Variants in TMEM106A observed in about 807,000 individuals in gnomAD.
TMEM106A encodes the protein transmembrane protein 106A.
In TMEM106A, 22 loss-of-function variants were observed where a neutral mutation model predicts 25.1. The ratio of observed to expected loss-of-function variants is 0.88; its 90% CI spans 0.63 to 1.25. TMEM106A has a LOEUF of 1.25. Among genes scored for constraint, TMEM106A ranks in the 50% most tolerant of loss-of-function variants. The pLI, the probability that TMEM106A is intolerant of heterozygous loss-of-function variation, is 0.00. For missense variants in TMEM106A, 275 were observed against 318.1 expected, an observed-to-expected ratio of 0.86 and a Z score of 1.03; for synonymous variants, 104 against 129.9, an observed-to-expected ratio of 0.80 and a Z score of 1.35.
chr17:43,217,139 G>A, intron 7 of TMEM106A, 120 bp from the exon 8 acceptor site: 3 of 1,012,176 alleles, frequency 3.0e-6, no homozygotes, highest in Non-Finnish European at 4.7e-6. Context: ...CATTTTGGGG[G>A]CACCTGATGG....
At chr17:43,216,926 G>A (rs1437795878) in intron 7 of TMEM106A, 186 bp downstream of exon 7, 1 of 743,912 alleles carries the variant, frequency 1.3e-6, no homozygotes, top group Non-Finnish European at 2.2e-6. Context: ...ACCTTGATTA[G>A]AATGAAAAAC....
intron 7 of TMEM106A, 131 bp from the exon 8 acceptor site, chr17:43,217,128 A>T: frequency 4.4e-6 from 4 of 918,688 alleles, no homozygotes; most frequent in Non-Finnish European, 7.1e-6. Context: ...GGTGGGAGTG[A>T]CATTTTGGGG....
chr17:43,214,959 GAAAAAAAAAA>G (rs538770111), intron 4 of TMEM106A, among the ~76,000 whole-genome samples: 1 of 73,894 alleles, frequency 1.4e-5, no homozygotes, highest in Non-Finnish European at 2.6e-5. Context: ...GGCCTCATCT[GAAAAAAAAAA>G]AAAAACAAAA....
rs757104136 is a variant in TMEM106A at position 43,217,788 on chromosome 17, C to T, written c.776C>T (p.Pro259Leu). The T allele has an allele frequency of 1.2e-6, 2 of 1,614,176 alleles. No individual in the cohort carries two copies. Among genetic ancestry groups the T allele is most frequent in the Non-Finnish European group, 1.7e-6 (2 of 1,180,022 alleles). ...GCATCTGTGCCCCACCAGCTGACCC[C>T]TCACCCACCATGACCTGTCTGCTGT... is the stretch of plus-strand genomic sequence containing the variant. ...GNASVPHQLT[P>L]HPP is the part of the protein sequence containing the mutation. The change falls in exon 9 of 9, where the codon CCT (proline) becomes CTT (leucine). Residue 259 changes from proline to leucine, a missense_variant. Transcript: ENST00000612339.
chr17:43,216,005 A>T, intron 5 of TMEM106A, 64 bp downstream of exon 5: 1 of 1,601,064 alleles, frequency 6.2e-7, no homozygotes, highest in Non-Finnish European at 8.5e-7. Context: ...ACCTTTGTCC[A>T]GTGTTATGAC....
At chr17:43,213,416 G>T (rs1349253229) in intron 3 of TMEM106A, among the ~76,000 whole-genome samples, 164 bp downstream of exon 3, 1 of 152,172 alleles carries the variant, frequency 6.6e-6, no homozygotes, top group Non-Finnish European at 1.5e-5. Flanking sequence ...CTATCCTTGG[G>T]TTCCCTGCAA....
chr17:43,217,577 G>C, intron 8 of TMEM106A, 104 bp from the exon 9 acceptor site: 1 of 1,536,684 alleles, frequency 6.5e-7, no homozygotes, highest in Non-Finnish European at 8.7e-7. Context: ...CCAGAGGGAA[G>C]GGCAAATGAG....
At chr17:43,212,592 A>G (rs756613578) in intron 2 of TMEM106A, among the ~76,000 whole-genome samples, 198 bp downstream of exon 2, 1 of 152,116 alleles carries the variant, frequency 6.6e-6, no homozygotes, top group Admixed American at 6.6e-5. Context: ...GCTTCTTTAG[A>G]TAGGGGTCTT....
Position 43,217,936 on chromosome 17 carries a change from C to G in TMEM106A, c.*135C>G. The G allele has an allele frequency of 7.7e-7, 1 of 1,292,360 alleles. No individual in the cohort carries two copies. Among genetic ancestry groups the G allele is most frequent in the Non-Finnish European group, 1.1e-6 (1 of 930,146 alleles). The allele number at this position is 1,292,360 out of a possible 1,614,324, so 80.1% of individuals were successfully genotyped here. On this transcript the variant is annotated 3_prime_UTR_variant, in exon 9 of 9. Transcript: ENST00000612339. ...GCCTCATCACACCCTTACCTCCCAC[C>G]CCCTCAGCACAGGAAGCTTGCTTTG...
chr17:43,216,872 T>C (rs2057491759), intron 7 of TMEM106A, 132 bp downstream of exon 7: 3 of 1,203,912 alleles, frequency 2.5e-6, no homozygotes, highest in South Asian at 1.3e-5. Flanking sequence ...TGGCCGAGAA[T>C]GTAATAAGCA....
chr17:43,212,813 CTT>C (rs965774984), intron 2 of TMEM106A, among the ~76,000 whole-genome samples: 11 of 152,268 alleles, frequency 7.2e-5, no homozygotes, highest in African/African-American at 2.4e-4. Flanking sequence ...AGATTGGTCT[CTT>C]TTAAAATAAT....
intron 8 of TMEM106A, 96 bp downstream of exon 8, chr17:43,217,408 C>G: frequency 6.8e-7 from 1 of 1,465,630 alleles, no homozygotes; most frequent in Admixed American, 1.7e-5. Context: ...CCAAGCTGAC[C>G]CCATGAATCT....
In TMEM106A at chr17:43,211,896, C is replaced by T. The variant is rs2057430209; in HGVS notation, c.-216C>T. 1 of 152,326 alleles carries T rather than the reference C, an allele frequency of 6.6e-6. No homozygotes were observed. The highest frequency in any genetic ancestry group is 2.4e-5 in the African/African-American group (1 of 41,424). 9.4% of individuals were successfully genotyped at this position (152,326 alleles called of 1,614,324 possible). ...CCGCATTTTCGATTCCACTCTCTTC[C>T]GTTTCTGTCGCTGCAGTCGTCCGCG... On this transcript the variant is annotated 5_prime_UTR_variant, in exon 1 of 9. Coordinates refer to ENST00000612339, the MANE Select transcript of TMEM106A (RefSeq NM_145041.4).
chr17:43,215,160 G>A (rs376370011), intron 4 of TMEM106A, among the ~76,000 whole-genome samples: 5 of 150,436 alleles, frequency 3.3e-5, no homozygotes, highest in Admixed American at 6.6e-5. Context: ...GGAGAATGGC[G>A]TGAACCCGGG....
intron 4 of TMEM106A, among the ~76,000 whole-genome samples, chr17:43,215,029 G>A (rs780126963): frequency 2.3e-4 from 34 of 150,490 alleles, no homozygotes; most frequent in Non-Finnish European, 4.1e-4. Context: ...GGCAGATCAC[G>A]AGGTCAGGAG....
Position 43,212,216 on chromosome 17 carries a change from C to G in TMEM106A, c.-189-11C>G, listed in dbSNP as rs898441393. On this transcript the variant is annotated splice_polypyrimidine_tract_variant and intron_variant, in intron 1 of 8. Transcript: ENST00000612339. ...TCCCCACTCTCCAGTGCGGCACATT[C>G]GTTCCCCTAGGACTCCGGCCGGTTG... The G allele has an allele frequency of 2.0e-5, 3 of 152,722 alleles. No individual in the cohort carries two copies. Among genetic ancestry groups the G allele is most frequent in the African/African-American group, 4.8e-5 (2 of 41,468 alleles). The allele number at this position is 152,722 out of a possible 1,614,324, so 9.5% of individuals were successfully genotyped here.
In TMEM106A at chr17:43,215,860, C is replaced by A. The variant is rs758332450; in HGVS notation, c.348C>A (p.Pro116=). Residue 116 remains proline, a synonymous_variant, in exon 5 of 9, where the codon CCC becomes CCA. Coordinates refer to ENST00000612339, the MANE Select transcript of TMEM106A (RefSeq NM_145041.4). ...CCTTCATCGTCTTTTTCCTGTTTCCCCGGTCCGTCATTGTGCAGCCTGCAG... is the reference window on the plus strand; with the variant it reads ...CCTTCATCGTCTTTTTCCTGTTTCCACGGTCCGTCATTGTGCAGCCTGCAG... The part of the protein sequence containing the change: ...TSSFIVFFLF[P]RSVIVQPAGL... The A allele has an allele frequency of 2.6e-5, 42 of 1,613,966 alleles. No homozygotes were observed. Among genetic ancestry groups the A allele is most frequent in the Non-Finnish European group, 2.7e-5 (32 of 1,180,034 alleles).
At chr17:43,216,851 C>G in intron 7 of TMEM106A, 111 bp downstream of exon 7, 1 of 1,423,936 alleles carries the variant, frequency 7.0e-7, no homozygotes, top group Non-Finnish European at 9.9e-7. Context: ...AGCATCTGGC[C>G]TGCCCTCCCA....
chr17:43,212,760 G>A (rs2057445980), intron 2 of TMEM106A, among the ~76,000 whole-genome samples: 1 of 152,162 alleles, frequency 6.6e-6, no homozygotes, highest in Non-Finnish European at 1.5e-5. Context: ...GTTCCTTAAA[G>A]TGAAGTAACT....
Sources: gnomAD v4.1 joint callset for allele counts (sites outside exome capture counted in the v4.1 genomes callset) on GRCh38, gnomAD v4.1.1 for gene constraint, MANE v1.5 for transcripts, NCBI Gene and HGNC (gene_info 2026-07-23, HGNC 2026-07-21) for gene names.